The following PCDHA11 variants were observed in gnomAD, a reference collection of about 807,000 sequenced individuals.
PCDHA11 encodes protocadherin alpha-11.
Under a neutral mutation model 70.3 loss-of-function variants are expected in PCDHA11, and 61 were observed. The ratio of observed to expected loss-of-function variants is 0.87; its 90% confidence interval spans 0.71 to 1.07. The LOEUF (loss-of-function observed/expected upper bound fraction) is 1.07. Among genes scored for constraint, PCDHA11 ranks in the 50% least tolerant of loss-of-function variants. The pLI, the probability that PCDHA11 is intolerant of heterozygous loss-of-function variation, is 0.00. For missense variants in PCDHA11, 1,324 were observed against 1,237.5 expected (o/e 1.07, Z -1.05); for synonymous variants, 633 against 555.1 (o/e 1.14, Z -1.97).
Position 140,869,924 on chromosome 5 carries a change from A to G in PCDHA11, c.821A>G (p.Asn274Ser), listed in dbSNP as rs2051503420. ...GCCACAGACCGAGACGAAGGAGTCA[A>G]TGGAGAGGTAACATACTCCTTAATG... ...LNATDRDEGV[N>S]GEVTYSLMSI... Residue 274 changes from asparagine (N) to serine (S), a missense_variant, in exon 1 of 4, where the codon AAT (asparagine) becomes AGT (serine). Coordinates refer to ENST00000398640, the MANE Select transcript of PCDHA11 (RefSeq NM_018902.5). 1.9e-6 allele frequency: 3 copies of G among 1,611,514 alleles called. No individual in the cohort carries two copies. Among genetic ancestry groups the G allele is most frequent in the African/African-American group, 1.3e-5 (1 of 74,926 alleles).
At chr5:140,945,155 A>G (rs566867183) in intron 1 of PCDHA11, among the ~76,000 whole-genome samples, 22 of 152,284 alleles carry the variant, frequency 1.4e-4, no homozygotes, top group African/African-American at 5.3e-4. Context: ...TCTATACACT[A>G]TTGAACTATC....
intron 1 of PCDHA11, chr5:140,926,922 T>A: frequency 6.4e-7 from 1 of 1,570,576 alleles, no homozygotes; most frequent in Non-Finnish European, 8.7e-7. Flanking sequence ...CAGTTTTATG[T>A]TTGTGGGTTT....
At chr5:140,927,360 T>G in intron 1 of PCDHA11, 1 of 1,613,972 alleles carries the variant, frequency 6.2e-7, no homozygotes, top group Non-Finnish European at 8.5e-7. Flanking sequence ...AGGGAAGCAA[T>G]GGGATACTAA....
intron 1 of PCDHA11, among the ~76,000 whole-genome samples, chr5:140,941,214 C>CCTTTCTTTCTTCCTTT (rs2092876516): frequency 8.2e-6 from 1 of 122,414 alleles, no homozygotes; most frequent in Non-Finnish European, 1.7e-5. Context: ...TTTCTTTCTT[C>CCTTTCTTTCTTCCTTT]CTTTCTTTCT....
intron 1 of PCDHA11, among the ~76,000 whole-genome samples, chr5:140,902,415 G>T (rs887303649): frequency 1.3e-5 from 2 of 152,060 alleles, no homozygotes; most frequent in South Asian, 4.1e-4. Context: ...TTGAATAACA[G>T]TGGTGAAAGT....
chr5:140,877,168 C>T lies in PCDHA11; in HGVS notation c.2391+5674C>T, dbSNP rs199567490. The T allele has an allele frequency of 1.0e-4, 161 of 1,613,836 alleles. No homozygotes were observed. In the African/African-American group the frequency reaches 2.0e-3, roughly 20 times the overall value. On this transcript the variant is annotated intron_variant, in intron 1 of 3. Coordinates refer to ENST00000398640, the MANE Select transcript of PCDHA11 (RefSeq NM_018902.5). ...CGAGAACGACAACGCGCCGGCACTG[C>T]TGGCGACTCCGGCTGGCAGCGCAGG...
At chr5:140,915,204 C>T (rs2077022161) in intron 1 of PCDHA11, among the ~76,000 whole-genome samples, 1 of 152,236 alleles carries the variant, frequency 6.6e-6, no homozygotes, top group East Asian at 1.9e-4. Flanking sequence ...ATCTTGGCCT[C>T]CCAAAGTGCT....
At chr5:140,975,160 T>G (rs2096656216) in intron 1 of PCDHA11, among the ~76,000 whole-genome samples, 1 of 152,194 alleles carries the variant, frequency 6.6e-6, no homozygotes, top group African/African-American at 2.4e-5. Flanking sequence ...CCTAGAGAAC[T>G]GAGGACTCAG....
chr5:140,882,769 A>C, intron 1 of PCDHA11: 1 of 1,614,242 alleles, frequency 6.2e-7, no homozygotes, highest in Admixed American at 1.7e-5. Context: ...TAAACTCGGC[A>C]TTGACCTACC....
chr5:140,939,956 A>G (rs2092504641), intron 1 of PCDHA11, among the ~76,000 whole-genome samples: 1 of 152,234 alleles, frequency 6.6e-6, no homozygotes, highest in Non-Finnish European at 1.5e-5. Context: ...AAATTATGTT[A>G]AAGTGTTCCA....
intron 1 of PCDHA11, among the ~76,000 whole-genome samples, chr5:140,971,541 G>A (rs544682624): frequency 6.6e-6 from 1 of 152,172 alleles, no homozygotes; most frequent in Non-Finnish European, 1.5e-5. Context: ...ATCATTGCCA[G>A]ATCAACCTGT....
chr5:140,968,886 A>T, intron 1 of PCDHA11: 1 of 1,614,186 alleles, frequency 6.2e-7, no homozygotes, highest in Non-Finnish European at 8.5e-7. Flanking sequence ...ATTACCCTTT[A>T]TCTAATAATA....
intron 3 of PCDHA11, among the ~76,000 whole-genome samples, chr5:140,991,888 A>T (rs1374098533): frequency 6.6e-6 from 1 of 152,178 alleles, no homozygotes; most frequent in African/African-American, 2.4e-5. Context: ...TGCCATAACA[A>T]ATTAACACAA....
At chr5:140,897,881 C>T (rs1417702752) in intron 1 of PCDHA11, among the ~76,000 whole-genome samples, 1 of 152,194 alleles carries the variant, frequency 6.6e-6, no homozygotes. Context: ...GATTGCCATT[C>T]TAACTGGTGT....
chr5:140,939,787 C>G (rs1486449192), intron 1 of PCDHA11, among the ~76,000 whole-genome samples: 2 of 152,180 alleles, frequency 1.3e-5, no homozygotes, highest in African/African-American at 2.4e-5. Flanking sequence ...TGGTCAATTT[C>G]TATAAATGTT....
intron 1 of PCDHA11, among the ~76,000 whole-genome samples, chr5:140,924,015 A>G (rs2081623207): frequency 6.6e-6 from 1 of 152,164 alleles, no homozygotes; most frequent in Admixed American, 6.5e-5. Flanking sequence ...AACCTGGTAT[A>G]ATTGGAGGCA....
At chr5:140,999,419 G>A (rs2097856786) in intron 3 of PCDHA11, among the ~76,000 whole-genome samples, 1 of 152,182 alleles carries the variant, frequency 6.6e-6, no homozygotes, top group Non-Finnish European at 1.5e-5. Flanking sequence ...TGGGAGCTAA[G>A]AGGCCAAGTA....
In PCDHA11 at chr5:141,011,725, TGCAA is replaced by T. The variant is rs1283017882; in HGVS notation, c.*1792_*1795del. 6.5e-6 allele frequency: 1 copy of T among 153,742 alleles called. No individual in the cohort carries two copies. The highest frequency in any genetic ancestry group is 1.5e-5 in the Non-Finnish European group (1 of 68,032). The allele number at this position is 153,742 out of a possible 1,614,324, so 9.5% of individuals were successfully genotyped here. ...ATACTGACAATATTCCATGAGGGTG[TGCAA>T]GCACAAATTTTACCAATCTGACCTC... On this transcript the variant is annotated 3_prime_UTR_variant, in exon 4 of 4. Coordinates refer to ENST00000398640, the MANE Select transcript of PCDHA11 (RefSeq NM_018902.5).
At chr5:140,887,629 T>C (rs2061519169) in intron 1 of PCDHA11, among the ~76,000 whole-genome samples, 1 of 152,128 alleles carries the variant, frequency 6.6e-6, no homozygotes, top group Non-Finnish European at 1.5e-5. Flanking sequence ...TTTATGTTAG[T>C]CTGTTGGGGT....
Sources: allele counts gnomAD v4.1 joint callset (sites outside exome capture counted in the v4.1 genomes callset), GRCh38; gene constraint gnomAD v4.1.1; transcripts MANE v1.5; gene names NCBI Gene and HGNC (gene_info 2026-07-23, HGNC 2026-07-21).